Variants in PALD1 observed in about 807,000 individuals in gnomAD.
PALD1 encodes the protein phosphatase domain containing paladin 1.
Under a neutral mutation model 96.0 loss-of-function variants are expected in PALD1, and 57 were observed. The observed-to-expected ratio is 0.59, with a 90% CI of 0.48 to 0.74. The LOEUF is 0.74. Among genes scored for constraint, PALD1 ranks in the 30% least tolerant of loss-of-function variants. The pLI is 0.00. For missense variants in PALD1, 1,063 were observed against 1,143.7 expected, an observed-to-expected ratio of 0.93 and a Z score of 1.02; for synonymous variants, 464 against 473.6, an observed-to-expected ratio of 0.98 and a Z score of 0.26.
the PALD1 span, among the ~76,000 whole-genome samples, chr10:70,471,925 C>A: frequency 1.3e-5 from 2 of 152,200 alleles, no homozygotes; most frequent in South Asian, 2.1e-4. Context: ...TGAACCCTGG[C>A]CAGTGACCTT....
chr10:70,514,488 C>T (rs1846582286), intron 1 of PALD1, among the ~76,000 whole-genome samples: 2 of 152,242 alleles, frequency 1.3e-5, no homozygotes, highest in Non-Finnish European at 2.9e-5. Context: ...AGATTGGACT[C>T]TTCCTAGTTT....
chr10:70,542,506 C>A (rs1274770115), intron 17 of PALD1, among the ~76,000 whole-genome samples: 1 of 152,174 alleles, frequency 6.6e-6, no homozygotes, highest in African/African-American at 2.4e-5. Context: ...CTCTAGGAAT[C>A]TTCTATGAGT....
chr10:70,463,268 G>A, the PALD1 span, among the ~76,000 whole-genome samples: 6 of 152,198 alleles, frequency 3.9e-5, no homozygotes, highest in Non-Finnish European at 5.9e-5. Context: ...GCCGGGCATG[G>A]TGGCAGGTGC....
chr10:70,499,408 A>G (rs996177631), intron 1 of PALD1, among the ~76,000 whole-genome samples: 6 of 152,180 alleles, frequency 3.9e-5, no homozygotes, highest in African/African-American at 1.2e-4. Context: ...TTTATGCAGC[A>G]GCCTCTGGGC....
intron 17 of PALD1, among the ~76,000 whole-genome samples, chr10:70,543,139 C>T (rs1420319165): frequency 1.4e-5 from 2 of 145,298 alleles, no homozygotes; most frequent in East Asian, 2.1e-4. Context: ...TTGCATTTCT[C>T]TAATGATTAG....
intron 1 of PALD1, among the ~76,000 whole-genome samples, chr10:70,479,284 C>A (rs771118867): frequency 1.1e-4 from 16 of 152,212 alleles, no homozygotes; most frequent in Non-Finnish European, 1.8e-4. Flanking sequence ...TGGGCTACCC[C>A]CTCTCCCGAG....
intron 10 of PALD1, among the ~76,000 whole-genome samples, chr10:70,535,056 C>T (rs1010870369): frequency 2.6e-5 from 4 of 152,230 alleles, no homozygotes; most frequent in Admixed American, 2.6e-4. Flanking sequence ...TGACCAGGTC[C>T]CTTCAGCTGC....
At position 70,529,965 on chromosome 10, in the gene PALD1, A is replaced by G; in HGVS notation, c.365A>G (p.Asn122Ser). ...ACCGTGGGAAGCTGTGGGGCCCCCA[A>G]CTTCCGGCAGGTGCAGGGTGGGCTC... Reference protein sequence around the residue: ...LGTVGSCGAPNFRQVQGGLTV... With the variant: ...LGTVGSCGAPSFRQVQGGLTV... The change falls in exon 4 of 20, where the codon AAC (asparagine) becomes AGC (serine). Residue 122 changes from asparagine (N) to serine (S), a missense_variant. Physicochemically the swap from Asn to Ser is conservative, Grantham distance 46. Transcript: ENST00000263563. 1.9e-6 allele frequency: 3 copies of G among 1,612,892 alleles called. No individual in the cohort carries two copies. Among genetic ancestry groups the G allele is most frequent in the South Asian group, 1.1e-5 (1 of 90,996 alleles).
chr10:70,534,740 T>C lies in PALD1; in HGVS notation c.1124T>C (p.Val375Ala). ...VPQGRRMVEE[V>A]DRAITACAEL... is the part of the protein sequence containing the mutation. ...ACTTGCCTTGGTCTCTGGCACCAGGTGGACAGAGCCATCACTGCCTGTGCC... is the reference window on the plus strand; with the variant it reads ...ACTTGCCTTGGTCTCTGGCACCAGGCGGACAGAGCCATCACTGCCTGTGCC... The change falls in exon 10 of 20, where the codon GTG becomes GCG. Residue 375 changes from valine (V) to alanine (A), a missense_variant and splice_region_variant. Physicochemically the swap from Val to Ala is moderately conservative, Grantham distance 64. Transcript: ENST00000263563. The C allele has an allele frequency of 6.3e-7, 1 of 1,584,908 alleles. No homozygotes were observed. Among genetic ancestry groups the C allele is most frequent in the East Asian group, 2.3e-5 (1 of 43,640 alleles).
At chr10:70,552,646 T>A (rs888550074) in intron 18 of PALD1, among the ~76,000 whole-genome samples, 7 of 152,126 alleles carry the variant, frequency 4.6e-5, no homozygotes, top group African/African-American at 1.7e-4. Context: ...TCATGTTACT[T>A]CTTCTGTGCA....
intron 1 of PALD1, among the ~76,000 whole-genome samples, chr10:70,481,613 TC>T (rs1405825951): frequency 6.6e-6 from 1 of 152,190 alleles, no homozygotes; most frequent in Admixed American, 6.5e-5. Flanking sequence ...CTCCAACTGT[TC>T]CTTTCCTACC....
rs114729035 is a variant in PALD1 at position 70,509,749 on chromosome 10, T to C, written c.-29-16174T>C. On this transcript the variant is annotated intron_variant, in intron 1 of 19. Transcript: ENST00000263563. ...GAGGACCTTGAGGGCCTTGAGCAGC[T>C]CTGTGGGGCAGCTCTGGAACTTCTC... is the stretch of plus-strand genomic sequence containing the variant. Among the ~76,000 whole-genome samples the C allele has an allele frequency of 7.1e-3, 1,074 of 152,272 alleles. 8 individuals are homozygous for C. The highest frequency in any genetic ancestry group is 0.024 in the African/African-American group (1,008 of 41,552).
chr10:70,478,465 A>T (rs1845864304), upstream of PALD1, among the ~76,000 whole-genome samples: 1 of 152,180 alleles, frequency 6.6e-6, no homozygotes. Context: ...TCTCGCAGCC[A>T]GGAGGCTGGA....
At chr10:70,516,677 C>G (rs532202244) in intron 1 of PALD1, among the ~76,000 whole-genome samples, 2 of 152,064 alleles carry the variant, frequency 1.3e-5, no homozygotes, top group East Asian at 3.9e-4. Flanking sequence ...TCTCAGTCTT[C>G]TAAGTTGCTG....
At chr10:70,498,179 C>A (rs1044709109) in intron 1 of PALD1, among the ~76,000 whole-genome samples, 1 of 152,216 alleles carries the variant, frequency 6.6e-6, no homozygotes, top group African/African-American at 2.4e-5. Context: ...AATATTTCTT[C>A]TTTTGTGTCT....
intron 11 of PALD1, among the ~76,000 whole-genome samples, 175 bp from the exon 12 acceptor site, chr10:70,538,105 G>A (rs1208222756): frequency 1.3e-5 from 2 of 152,232 alleles, no homozygotes; most frequent in African/African-American, 4.8e-5. Flanking sequence ...CCGGGCCCTT[G>A]TCTCTGTCCT....
At chr10:70,501,838 T>TGTGCGC in intron 1 of PALD1, among the ~76,000 whole-genome samples, 1 of 150,330 alleles carries the variant, frequency 6.7e-6, no homozygotes, top group South Asian at 2.1e-4. Context: ...TGTGTGTGCG[T>TGTGCGC]GCGTGCATGC....
chr10:70,503,294 A>G (rs922679968), intron 1 of PALD1, among the ~76,000 whole-genome samples: 5 of 152,176 alleles, frequency 3.3e-5, no homozygotes, highest in African/African-American at 1.2e-4. Context: ...TTTACTTTCA[A>G]AATGTACTTG....
rs1845872855 is a variant in PALD1 at position 70,478,807 on chromosome 10, A to T, written c.-282A>T. ...GGCGCTGGGGAGCAGCGCGGCGCGC[A>T]CGGGCCGGGGCGCGCAGGTCCCGTC... On this transcript the variant is annotated 5_prime_UTR_variant, in exon 1 of 20. Coordinates refer to ENST00000263563, the MANE Select transcript of PALD1 (RefSeq NM_014431.3). 1 of 151,256 alleles carries T rather than the reference A, an allele frequency of 6.6e-6. No homozygotes were observed. The highest frequency in any genetic ancestry group is 6.6e-5 in the Admixed American group (1 of 15,186). 9.4% of individuals were successfully genotyped at this position (151,256 alleles called of 1,614,324 possible).
Sources: gnomAD v4.1 joint callset for allele counts (sites outside exome capture counted in the v4.1 genomes callset) on GRCh38, gnomAD v4.1.1 for gene constraint, MANE v1.5 for transcripts, NCBI Gene and HGNC (gene_info 2026-07-23, HGNC 2026-07-21) for gene names.